The following GABRB2 variants were observed in gnomAD, a reference collection of about 807,000 sequenced individuals.
GABRB2 encodes gamma-aminobutyric acid receptor subunit beta-2.
Under a neutral mutation model 54.7 loss-of-function variants are expected in GABRB2, and 16 were observed. The observed-to-expected ratio is 0.29, with a 90% CI of 0.20 to 0.44. The LOEUF (loss-of-function observed/expected upper bound fraction) is 0.44. Ranked by LOEUF, GABRB2 falls within the 20% of genes least tolerant of loss-of-function variation. The pLI is 1.00. For synonymous variants in GABRB2, 244 were observed against 233.8 expected, an observed-to-expected ratio of 1.04 and a Z score of -0.40; for missense variants, 355 against 644.0, an observed-to-expected ratio of 0.55 and a Z score of 4.86.
At chr5:161,474,992 A>C (rs376554195) in intron 3 of GABRB2, among the ~76,000 whole-genome samples, 17 of 152,040 alleles carry the variant, frequency 1.1e-4, no homozygotes, top group Middle Eastern at 3.4e-3. Flanking sequence ...TTGACTTCTC[A>C]TATGCATTCA....
At chr5:161,514,800 CTTGAATT>C (rs942414061) in intron 3 of GABRB2, among the ~76,000 whole-genome samples, 17 of 152,304 alleles carry the variant, frequency 1.1e-4, no homozygotes, top group African/African-American at 3.1e-4. Flanking sequence ...CAAGCCTTCG[CTTGAATT>C]TTGAATCAAA....
intron 9 of GABRB2, among the ~76,000 whole-genome samples, chr5:161,322,838 T>A (rs1271021769): frequency 6.6e-6 from 1 of 152,178 alleles, no homozygotes; most frequent in Non-Finnish European, 1.5e-5. Flanking sequence ...TAAGGATTGC[T>A]TTGCCTTCAT....
At chr5:161,446,466 C>T (rs752669417) in intron 4 of GABRB2, among the ~76,000 whole-genome samples, 1 of 152,054 alleles carries the variant, frequency 6.6e-6, no homozygotes, top group Non-Finnish European at 1.5e-5. Context: ...ATTCTGAGTA[C>T]GTCCCTGTCT....
intron 5 of GABRB2, among the ~76,000 whole-genome samples, chr5:161,408,009 C>T (rs533266052): frequency 2.0e-5 from 3 of 152,120 alleles, no homozygotes; most frequent in South Asian, 4.1e-4. Context: ...TCAAGGCTTG[C>T]TTTAAACAGC....
At chr5:161,304,728 T>G (rs897658148) in intron 9 of GABRB2, among the ~76,000 whole-genome samples, 1 of 152,110 alleles carries the variant, frequency 6.6e-6, no homozygotes, top group African/African-American at 2.4e-5. Context: ...GATAGGAAGA[T>G]GAATGTTAAA....
At chr5:161,412,118 C>A (rs559643607) in intron 4 of GABRB2, among the ~76,000 whole-genome samples, 1 of 152,274 alleles carries the variant, frequency 6.6e-6, no homozygotes, top group African/African-American at 2.4e-5. Context: ...GAGAAACGAT[C>A]TATAGCTAGA....
At chr5:161,517,438 A>G (rs1759982535) in intron 3 of GABRB2, among the ~76,000 whole-genome samples, 1 of 152,236 alleles carries the variant, frequency 6.6e-6, no homozygotes, top group South Asian at 2.1e-4. Flanking sequence ...AAGTAATGAT[A>G]AATAACTACT....
chr5:161,402,648 C>T (rs71605493), intron 5 of GABRB2, among the ~76,000 whole-genome samples: 3,365 of 152,304 alleles, frequency 0.022, 58 homozygotes, highest in Non-Finnish European at 0.034. Flanking sequence ...GATCTTCCCA[C>T]TAAAGTCCAG....
chr5:161,319,793 G>C (rs1386115157), intron 9 of GABRB2, among the ~76,000 whole-genome samples: 1 of 151,710 alleles, frequency 6.6e-6, no homozygotes, highest in African/African-American at 2.4e-5. Context: ...AATCTTATGG[G>C]CTAGATGCTC....
At chr5:161,347,000 C>A (rs1017186758) in intron 5 of GABRB2, among the ~76,000 whole-genome samples, 1 of 151,990 alleles carries the variant, frequency 6.6e-6, no homozygotes, top group African/African-American at 2.4e-5. Flanking sequence ...AGAGAAACTT[C>A]GGAGGTGGAC....
At chr5:161,516,339 G>C (rs1759947240) in intron 3 of GABRB2, among the ~76,000 whole-genome samples, 1 of 152,068 alleles carries the variant, frequency 6.6e-6, no homozygotes, top group African/African-American at 2.4e-5. Context: ...AACCCCAAGA[G>C]GTAGGTATTA....
chr5:161,530,375 T>C (rs1760417599), intron 3 of GABRB2, among the ~76,000 whole-genome samples: 1 of 152,124 alleles, frequency 6.6e-6, no homozygotes, highest in Non-Finnish European at 1.5e-5. Context: ...GAGCTGGTGG[T>C]AAAATAACAA....
intron 2 of GABRB2, 25 bp from the exon 3 acceptor site, chr5:161,545,319 G>A (rs1183328621): frequency 2.5e-6 from 4 of 1,571,940 alleles, no homozygotes; most frequent in South Asian, 1.2e-5. Flanking sequence ...GGCCAGCCAC[G>A]TGATTTCTTT....
intron 5 of GABRB2, among the ~76,000 whole-genome samples, chr5:161,375,384 C>T (rs1755264091): frequency 6.6e-6 from 1 of 152,148 alleles, no homozygotes; most frequent in Non-Finnish European, 1.5e-5. Flanking sequence ...TTGGTGTTCC[C>T]TTCAAGGAGT....
chr5:161,502,583 T>A (rs1347736931), intron 3 of GABRB2, among the ~76,000 whole-genome samples: 1 of 152,166 alleles, frequency 6.6e-6, no homozygotes, highest in Non-Finnish European at 1.5e-5. Flanking sequence ...TCAATTGTGT[T>A]TAAGTATTGA....
At chr5:161,439,656 G>A (rs1431865025) in intron 4 of GABRB2, among the ~76,000 whole-genome samples, 1 of 152,176 alleles carries the variant, frequency 6.6e-6, no homozygotes, top group East Asian at 1.9e-4. Context: ...TTTAAAAGTA[G>A]GGGGACGAAG....
intron 5 of GABRB2, among the ~76,000 whole-genome samples, chr5:161,365,484 C>T (rs1754945440): frequency 6.6e-6 from 1 of 152,022 alleles, no homozygotes; most frequent in Non-Finnish European, 1.5e-5. Flanking sequence ...GTATGGGGTA[C>T]ATAGTGATGT....
intron 5 of GABRB2, among the ~76,000 whole-genome samples, chr5:161,408,161 A>C (rs915022064): frequency 3.3e-5 from 5 of 152,024 alleles, no homozygotes; most frequent in African/African-American, 1.2e-4. Context: ...AGGCTCCAAA[A>C]TCCAAATCAA....
rs563590452 is a variant in GABRB2 at position 161,307,579 on chromosome 5, C to T, written c.1192-13151G>A. Among the ~76,000 whole-genome samples, 5 of 152,160 alleles carry T rather than the reference C, an allele frequency of 3.3e-5. No homozygotes were observed. In the East Asian group the frequency reaches 5.8e-4, roughly 18 times the overall value. On this transcript the variant is annotated intron_variant, in intron 9 of 9. Coordinates refer to ENST00000393959, the MANE Select transcript of GABRB2 (RefSeq NM_001371727.1). The stretch of plus-strand genomic sequence containing the variant: ...ATGTTCCATTGCTTAGTTGAGCCTT[C>T]GTTTCTTCATCTTTCAAATGAAGTT...
Sources: allele counts gnomAD v4.1 joint callset (sites outside exome capture counted in the v4.1 genomes callset), GRCh38; gene constraint gnomAD v4.1.1; transcripts MANE v1.5; gene names NCBI Gene and HGNC (gene_info 2026-07-23, HGNC 2026-07-21).